PLXDC2: variants seen among roughly 807,000 people sequenced by gnomAD.
PLXDC2 encodes plexin domain containing 2.
Under a neutral mutation model 68.9 loss-of-function variants are expected in PLXDC2, and 40 were observed. That is an observed-to-expected ratio of 0.58 (90% CI 0.45 to 0.76). The LOEUF (loss-of-function observed/expected upper bound fraction) is 0.76, where lower values mean the gene tolerates loss of function less well. PLXDC2 is among the 30% of genes least tolerant of loss of function. The probability of loss-of-function intolerance (pLI) is 0.00; values close to 1 mark genes in which losing one functional copy is unlikely to be tolerated. For missense variants in PLXDC2, 644 were observed against 661.9 expected, an observed-to-expected ratio of 0.97 and a Z score of 0.30; for synonymous variants, 243 against 234.2, an observed-to-expected ratio of 1.04 and a Z score of -0.34.
At chr10:20,210,242 A>T (rs1835050922) in intron 9 of PLXDC2, among the ~76,000 whole-genome samples, 1 of 152,194 alleles carries the variant, frequency 6.6e-6, no homozygotes, top group African/African-American at 2.4e-5. Flanking sequence ...CATGGAAATT[A>T]ACAACTAGTA....
chr10:19,836,942 T>C (rs542163032), intron 1 of PLXDC2, among the ~76,000 whole-genome samples: 5 of 152,300 alleles, frequency 3.3e-5, no homozygotes, highest in African/African-American at 1.2e-4. Context: ...ATTTGTGAAA[T>C]AGGGACTTTC....
At chr10:20,238,981 G>A (rs1171799983) in intron 12 of PLXDC2, among the ~76,000 whole-genome samples, 3 of 151,618 alleles carry the variant, frequency 2.0e-5, no homozygotes, top group African/African-American at 4.8e-5. Context: ...TAAGCACAGG[G>A]CAAAAAAAGA....
intron 2 of PLXDC2, among the ~76,000 whole-genome samples, chr10:20,037,425 A>G (rs1040567195): frequency 2.6e-5 from 4 of 151,828 alleles, no homozygotes; most frequent in Admixed American, 1.3e-4. Flanking sequence ...TTTGTTACAT[A>G]TATATGCATG....
chr10:19,999,883 A>G (rs1980820), intron 1 of PLXDC2, among the ~76,000 whole-genome samples: 43,322 of 152,040 alleles, frequency 0.28, 6,540 homozygotes, highest in East Asian at 0.51. Flanking sequence ...CAGGCAGGAT[A>G]TTTTCATTCC....
At chr10:20,194,038 C>G (rs1834803971) in intron 9 of PLXDC2, among the ~76,000 whole-genome samples, 1 of 151,916 alleles carries the variant, frequency 6.6e-6, no homozygotes, top group African/African-American at 2.4e-5. Flanking sequence ...GAAACTGACC[C>G]AGGCAAGCTC....
chr10:20,275,722 G>A (rs1311605862), intron 13 of PLXDC2, among the ~76,000 whole-genome samples: 1 of 152,116 alleles, frequency 6.6e-6, no homozygotes, highest in Non-Finnish European at 1.5e-5. Flanking sequence ...AGACCAGCCT[G>A]GCCAACATGG....
At chr10:19,878,477 C>A (rs926982578) in intron 1 of PLXDC2, among the ~76,000 whole-genome samples, 1 of 152,104 alleles carries the variant, frequency 6.6e-6, no homozygotes, top group Non-Finnish European at 1.5e-5. Context: ...TTAGTAAATA[C>A]GATCTTGAGT....
chr10:19,914,702 G>A (rs988093074), intron 1 of PLXDC2, among the ~76,000 whole-genome samples: 3 of 152,182 alleles, frequency 2.0e-5, no homozygotes, highest in African/African-American at 7.2e-5. Flanking sequence ...ATTATTTTAG[G>A]ATGGGAAGAC....
intron 3 of PLXDC2, among the ~76,000 whole-genome samples, chr10:20,054,579 C>T (rs562173610): frequency 2.0e-5 from 3 of 152,112 alleles, no homozygotes; most frequent in African/African-American, 7.2e-5. Context: ...TGGAAACCAT[C>T]GTTCTCAGCA....
chr10:20,227,324 T>G (rs564355636), intron 12 of PLXDC2, among the ~76,000 whole-genome samples: 8 of 152,190 alleles, frequency 5.3e-5, no homozygotes, highest in Admixed American at 5.2e-4. Flanking sequence ...CAAGAAAAAC[T>G]ATATAAGAAC....
At chr10:19,926,355 A>G (rs1049447051) in intron 1 of PLXDC2, among the ~76,000 whole-genome samples, 1 of 152,168 alleles carries the variant, frequency 6.6e-6, no homozygotes, top group Non-Finnish European at 1.5e-5. Flanking sequence ...CAGTTCTGCC[A>G]TAGGGTGGGT....
intron 1 of PLXDC2, among the ~76,000 whole-genome samples, chr10:19,983,285 C>G (rs1834583001): frequency 6.6e-6 from 1 of 151,978 alleles, no homozygotes; most frequent in African/African-American, 2.4e-5. Flanking sequence ...CTGAATTAAC[C>G]CAGCCAAACT....
chr10:19,829,662 AG>A (rs879894729), intron 1 of PLXDC2, among the ~76,000 whole-genome samples: 30 of 152,086 alleles, frequency 2.0e-4, no homozygotes, highest in Non-Finnish European at 3.7e-4. Context: ...CAAAAGGTGG[AG>A]GTTGCAGTGA....
intron 7 of PLXDC2, among the ~76,000 whole-genome samples, chr10:20,172,022 G>A (rs11814645): frequency 0.044 from 6,444 of 146,514 alleles, 448 homozygotes; most frequent in African/African-American, 0.15. Flanking sequence ...TGACAGAAAC[G>A]CCAAAAGCAC....
At chr10:19,824,269 G>A (rs1046822123) in intron 1 of PLXDC2, among the ~76,000 whole-genome samples, 2 of 152,148 alleles carry the variant, frequency 1.3e-5, no homozygotes, top group Non-Finnish European at 2.9e-5. Flanking sequence ...TGAAATCTCA[G>A]TGCAAGATTT....
At chr10:20,255,197 A>G (rs1374010101) in intron 13 of PLXDC2, among the ~76,000 whole-genome samples, 2 of 140,302 alleles carry the variant, frequency 1.4e-5, no homozygotes, top group Non-Finnish European at 3.1e-5. Context: ...GGATGGATAG[A>G]TAGATAGATA....
chr10:20,052,092 A>T (rs1317508962), intron 3 of PLXDC2, among the ~76,000 whole-genome samples: 1 of 151,978 alleles, frequency 6.6e-6, no homozygotes, highest in East Asian at 1.9e-4. Context: ...ACTTCCATTT[A>T]TAACAACCAG....
At chr10:20,140,387 C>CATATAT (rs10675416) in intron 4 of PLXDC2, among the ~76,000 whole-genome samples, 1,979 of 147,018 alleles carry the variant, frequency 0.013, 18 homozygotes, top group African/African-American at 0.019. Context: ...AGAAAAATAA[C>CATATAT]ATATATATAT....
At chr10:20,081,604 C>G (rs756873838) in intron 4 of PLXDC2, among the ~76,000 whole-genome samples, 3 of 152,118 alleles carry the variant, frequency 2.0e-5, no homozygotes, top group Non-Finnish European at 4.4e-5. Context: ...CGGAGAAAAA[C>G]AACTGGAAAA....
Sources: allele counts gnomAD v4.1 joint callset (sites outside exome capture counted in the v4.1 genomes callset), GRCh38; gene constraint gnomAD v4.1.1; transcripts MANE v1.5; gene names NCBI Gene and HGNC (gene_info 2026-07-23, HGNC 2026-07-21).